TIMM9: variants seen among roughly 807,000 people sequenced by gnomAD.
TIMM9 encodes the protein mitochondrial import inner membrane translocase subunit Tim9.
Under a neutral mutation model 13.4 loss-of-function variants are expected in TIMM9, and 10 were observed. The ratio of observed to expected loss-of-function variants is 0.75; its 90% CI spans 0.46 to 1.26. The LOEUF (loss-of-function observed/expected upper bound fraction) is 1.26. TIMM9 is among the 50% of genes most tolerant of loss of function. TIMM9 has a pLI of 0.00. For synonymous variants in TIMM9, 32 were observed against 32.1 expected (o/e 1.00, Z 0.01); for missense variants, 87 against 100.8 (o/e 0.86, Z 0.58).
chr14:58,426,828 G>A (rs2036849305), intron 2 of TIMM9, among the ~76,000 whole-genome samples: 1 of 152,260 alleles, frequency 6.6e-6, no homozygotes, highest in Admixed American at 6.5e-5. Context: ...CCCCAGATCC[G>A]GGTTGGGGGT....
At chr14:58,424,533 C>T (rs2036679269) in intron 2 of TIMM9, among the ~76,000 whole-genome samples, 1 of 152,192 alleles carries the variant, frequency 6.6e-6, no homozygotes, top group East Asian at 1.9e-4. Flanking sequence ...TATTATGACA[C>T]ATATCATCTA....
intron 3 of TIMM9, among the ~76,000 whole-genome samples, chr14:58,413,810 A>G (rs1218850880): frequency 6.6e-6 from 1 of 151,484 alleles, no homozygotes; most frequent in Non-Finnish European, 1.5e-5. Context: ...GATCGAGACC[A>G]TCCTGGCTAA....
At chr14:58,411,074 TG>T in intron 4 of TIMM9, 136 bp from the exon 5 acceptor site, 1 of 643,110 alleles carries the variant, frequency 1.6e-6, no homozygotes, top group Non-Finnish European at 2.7e-6. Context: ...CTAACTTAAA[TG>T]GGTACAGTAT....
intron 3 of TIMM9, among the ~76,000 whole-genome samples, chr14:58,420,793 CAAAAAAAAAA>C: frequency 1.7e-5 from 1 of 57,492 alleles, no homozygotes; most frequent in African/African-American, 6.9e-5. Context: ...AAATCCATCT[CAAAAAAAAAA>C]AAAAAAAAAA....
chr14:58,415,902 A>G (rs549461104), intron 3 of TIMM9, among the ~76,000 whole-genome samples: 2 of 152,256 alleles, frequency 1.3e-5, no homozygotes, highest in East Asian at 1.9e-4. Context: ...ACATCGACAC[A>G]TAATAGTCAA....
intron 3 of TIMM9, among the ~76,000 whole-genome samples, chr14:58,419,850 G>C (rs570606120): frequency 6.6e-6 from 1 of 152,202 alleles, no homozygotes; most frequent in Non-Finnish European, 1.5e-5. Flanking sequence ...CCAGGAGGCA[G>C]AGGCTGCAGT....
chr14:58,413,071 T>C (rs190719594), intron 3 of TIMM9, among the ~76,000 whole-genome samples: 19 of 152,306 alleles, frequency 1.2e-4, no homozygotes, highest in African/African-American at 4.3e-4. Context: ...TTTTAACATT[T>C]CAACATACAA....
intron 3 of TIMM9, among the ~76,000 whole-genome samples, chr14:58,418,398 C>T (rs970769462): frequency 1.3e-5 from 2 of 152,184 alleles, no homozygotes; most frequent in Non-Finnish European, 2.9e-5. Flanking sequence ...AGATTGTGAG[C>T]AAGGACAGAT....
At chr14:58,420,793 CAAAAAA>C (rs71107945) in intron 3 of TIMM9, among the ~76,000 whole-genome samples, 1 of 57,506 alleles carries the variant, frequency 1.7e-5, no homozygotes, top group East Asian at 5.2e-4. Flanking sequence ...AAATCCATCT[CAAAAAA>C]AAAAAAAAAA....
At chr14:58,418,845 G>A (rs2036497472) in intron 3 of TIMM9, among the ~76,000 whole-genome samples, 6 of 152,020 alleles carry the variant, frequency 3.9e-5, no homozygotes, top group Admixed American at 3.9e-4. Flanking sequence ...GAGATCAGAA[G>A]ACTCAATATA....
chr14:58,422,763 C>T (rs1395500085), intron 3 of TIMM9, among the ~76,000 whole-genome samples: 2 of 152,092 alleles, frequency 1.3e-5, no homozygotes, highest in Non-Finnish European at 2.9e-5. Flanking sequence ...TCTTTAGAAT[C>T]ACTCAATTGT....
At chr14:58,418,825 T>C (rs2036496896) in intron 3 of TIMM9, among the ~76,000 whole-genome samples, 1 of 152,210 alleles carries the variant, frequency 6.6e-6, no homozygotes, top group South Asian at 2.1e-4. Flanking sequence ...AGAGACATAC[T>C]GTGTGTTCAG....
intron 5 of TIMM9, among the ~76,000 whole-genome samples, chr14:58,410,022 C>T (rs112189372): frequency 2.0e-3 from 296 of 151,734 alleles, no homozygotes; most frequent in African/African-American, 7.0e-3. Flanking sequence ...CACACCACCA[C>T]GCCTGGCTAA....
At chr14:58,426,243 T>A (rs1371046549) in intron 2 of TIMM9, among the ~76,000 whole-genome samples, 1 of 151,546 alleles carries the variant, frequency 6.6e-6, no homozygotes, top group Admixed American at 6.6e-5. Flanking sequence ...TCTTGATCTG[T>A]CACTCAGGCT....
intron 5 of TIMM9, among the ~76,000 whole-genome samples, chr14:58,409,442 A>T (rs2036137893): frequency 6.6e-6 from 1 of 152,228 alleles, no homozygotes; most frequent in Non-Finnish European, 1.5e-5. Flanking sequence ...ATTTTCTGCA[A>T]GTGTATTAAG....
Position 58,409,008 on chromosome 14 carries a change from T to C in TIMM9, c.*26A>G, listed in dbSNP as rs2036121075. 6.3e-7 allele frequency: 1 copy of C among 1,594,212 alleles called. No individual in the cohort carries two copies. On this transcript the variant is annotated 3_prime_UTR_variant, in exon 6 of 6. Transcript: ENST00000395159. Reference sequence around the variant, plus strand: ...TAAAGCAGCTGTTGGCAATCTTTCATCAAAAGTTCATCCATCAGGACTTCT... The same window carrying C: ...TAAAGCAGCTGTTGGCAATCTTTCACCAAAAGTTCATCCATCAGGACTTCT...
At chr14:58,419,484 CACACACACACACACACACACAAACACAT>C (rs1324825663) in intron 3 of TIMM9, among the ~76,000 whole-genome samples, 3 of 150,504 alleles carry the variant, frequency 2.0e-5, no homozygotes, top group African/African-American at 4.9e-5. Flanking sequence ...CACACACACA[CACACACACACACACACACACAAACACAT>C]ACACACACAC....
Position 58,408,797 on chromosome 14 carries a change from T to C in TIMM9, c.*237A>G, listed in dbSNP as rs1253104972. ...ATCAAGTGACCAAGCTGCTGAATCA[T>C]AAGGCCTCAACAAATGTTGCATCTT... On this transcript the variant is annotated 3_prime_UTR_variant, in exon 6 of 6. Coordinates refer to ENST00000395159, the MANE Select transcript of TIMM9 (RefSeq NM_012460.4). 32 of 678,848 alleles carry C rather than the reference T, an allele frequency of 4.7e-5. 1 individual carries two copies. In the South Asian group the frequency reaches 6.6e-4, roughly 14 times the overall value. The allele number at this position is 678,848 out of a possible 1,614,324, so 42.1% of individuals were successfully genotyped here.
At chr14:58,413,910 G>A (rs1595013777) in intron 3 of TIMM9, among the ~76,000 whole-genome samples, 1 of 140,830 alleles carries the variant, frequency 7.1e-6, no homozygotes, top group Middle Eastern at 3.9e-3. Flanking sequence ...GGGAGGCTGA[G>A]GCAGAAGAAT....
Sources: gnomAD v4.1 joint callset for allele counts (sites outside exome capture counted in the v4.1 genomes callset) on GRCh38, gnomAD v4.1.1 for gene constraint, MANE v1.5 for transcripts, NCBI Gene and HGNC (gene_info 2026-07-23, HGNC 2026-07-21) for gene names.